The following FOXO3 variants were observed in gnomAD, a reference collection of about 807,000 sequenced individuals.
The protein encoded by FOXO3 is forkhead box O3.
A neutral mutation model predicts 41.9 loss-of-function variants in FOXO3; 4 were observed. The observed-to-expected ratio is 0.10, with a 90% CI of 0.05 to 0.22. The LOEUF is 0.22. Among genes scored for constraint, FOXO3 ranks in the 10% least tolerant of loss-of-function variants. FOXO3 has a pLI of 1.00. For synonymous variants in FOXO3, 318 were observed against 389.3 expected (o/e 0.82, Z 2.16); for missense variants, 534 against 906.8 (o/e 0.59, Z 5.28).
chr6:108,592,886 T>G (rs1030435666), intron 1 of FOXO3, among the ~76,000 whole-genome samples: 1 of 152,174 alleles, frequency 6.6e-6, no homozygotes, highest in African/African-American at 2.4e-5. Flanking sequence ...GGGAGGAGGA[T>G]GATTCTTAGT....
chr6:108,664,900 A>G lies in FOXO3; in HGVS notation c.*34+11A>G. On this transcript the variant is annotated intron_variant, in intron 2 of 2. Coordinates refer to ENST00000406360, the MANE Select transcript of FOXO3 (RefSeq NM_001455.4). The stretch of plus-strand genomic sequence containing the variant: ...AAGTGGGCAAAGCAGGTCAGTGCCG[A>G]ATGCTATGGCATAAAAATAACAATA... The G allele has an allele frequency of 6.3e-7, 1 of 1,587,434 alleles. No individual in the cohort carries two copies. Among genetic ancestry groups the G allele is most frequent in the Non-Finnish European group, 8.6e-7 (1 of 1,166,478 alleles).
At position 108,656,334 on chromosome 6, in the gene FOXO3, T is replaced by C. The variant is rs1778687592; in HGVS notation, c.622-7121T>C. ...GTGTTCCAGGGGAAGCACATGCAGC[T>C]GGTGTCTGGGTGAGTGGACAGTCTC... On this transcript the variant is annotated intron_variant, in intron 1 of 2. Transcript: ENST00000406360. 6.1e-6 allele frequency: 6 copies of C among 984,630 alleles called. No homozygotes were observed. The South Asian group carries it at 2.3e-4, about 39-fold the overall frequency. The allele number at this position is 984,630 out of a possible 1,614,324, so 61.0% of individuals were successfully genotyped here.
intron 1 of FOXO3, among the ~76,000 whole-genome samples, chr6:108,650,163 A>T (rs569733357): frequency 3.3e-5 from 5 of 152,204 alleles, no homozygotes; most frequent in Non-Finnish European, 1.5e-5. Context: ...GGAGGTAGTT[A>T]TAAGGTCAGG....
chr6:108,644,251 A>G (rs571351050), intron 1 of FOXO3, among the ~76,000 whole-genome samples: 1 of 152,306 alleles, frequency 6.6e-6, no homozygotes, highest in South Asian at 2.1e-4. Context: ...TAAAATGGGG[A>G]CCATATTGTC....
At chr6:108,585,098 A>G (rs1044509299) in intron 1 of FOXO3, among the ~76,000 whole-genome samples, 8 of 126,460 alleles carry the variant, frequency 6.3e-5, no homozygotes, top group African/African-American at 1.8e-4. Context: ...GCGGACTGCA[A>G]TGGCGCAATC....
At chr6:108,616,681 T>G (rs1318123636) in intron 1 of FOXO3, among the ~76,000 whole-genome samples, 4 of 152,170 alleles carry the variant, frequency 2.6e-5, no homozygotes, top group Non-Finnish European at 5.9e-5. Flanking sequence ...AAATTGATGG[T>G]TTTTAGTATA....
At position 108,680,088 on chromosome 6, in the gene FOXO3, C is replaced by G. The variant is rs1158842219; in HGVS notation, c.*296C>G. 7 of 152,672 alleles carry G rather than the reference C, an allele frequency of 4.6e-5. No homozygotes were observed. The highest frequency in any genetic ancestry group is 1.4e-4 in the African/African-American group (6 of 41,426). 9.5% of individuals were successfully genotyped at this position (152,672 alleles called of 1,614,324 possible). On this transcript the variant is annotated 3_prime_UTR_variant, in exon 3 of 3. Transcript: ENST00000406360. Reference sequence around the variant, plus strand: ...GACAGCACCCCTCAGCACCACCCACCCTCATTCAGAGCACACCGTGAGCCC... The same window carrying G: ...GACAGCACCCCTCAGCACCACCCACGCTCATTCAGAGCACACCGTGAGCCC...
intron 1 of FOXO3, among the ~76,000 whole-genome samples, chr6:108,628,417 T>G (rs1777873408): frequency 6.6e-6 from 1 of 152,214 alleles, no homozygotes; most frequent in African/African-American, 2.4e-5. Context: ...TTAACTGAGA[T>G]AAAGCATGAG....
At chr6:108,597,936 G>A (rs1393560803) in intron 1 of FOXO3, among the ~76,000 whole-genome samples, 1 of 152,112 alleles carries the variant, frequency 6.6e-6, no homozygotes, top group African/African-American at 2.4e-5. Context: ...TTTAAAATTA[G>A]CGATTCTTTT....
intron 1 of FOXO3, among the ~76,000 whole-genome samples, chr6:108,587,508 T>A (rs143957702): frequency 8.8e-4 from 134 of 152,126 alleles, no homozygotes; most frequent in African/African-American, 2.7e-3. Context: ...CATGCAAAAA[T>A]ATATATATGT....
intron 1 of FOXO3, among the ~76,000 whole-genome samples, chr6:108,624,940 T>G (rs979829878): frequency 1.3e-5 from 2 of 152,112 alleles, no homozygotes; most frequent in Admixed American, 6.6e-5. Flanking sequence ...CAGTGTTTTT[T>G]GTTTTGTTTT....
intron 1 of FOXO3, among the ~76,000 whole-genome samples, chr6:108,654,493 A>G (rs1778631931): frequency 6.6e-6 from 1 of 152,114 alleles, no homozygotes; most frequent in African/African-American, 2.4e-5. Flanking sequence ...AAAGCCTCAT[A>G]TGTCTCATTT....
chr6:108,639,411 C>T (rs1052684285), intron 1 of FOXO3: 6 of 273,924 alleles, frequency 2.2e-5, no homozygotes, highest in Non-Finnish European at 3.3e-5. Context: ...AAGTCAGAAG[C>T]TCAGTTTGTT....
chr6:108,652,164 C>G (rs1298858460), intron 1 of FOXO3, among the ~76,000 whole-genome samples: 2 of 152,172 alleles, frequency 1.3e-5, no homozygotes, highest in Non-Finnish European at 1.5e-5. Context: ...ACAGAAGCCT[C>G]CAGACGTGCC....
chr6:108,572,356 A>C (rs889023021), intron 1 of FOXO3, among the ~76,000 whole-genome samples: 1 of 152,184 alleles, frequency 6.6e-6, no homozygotes. Flanking sequence ...GGCTAATCCA[A>C]ATCTCTCTGG....
At chr6:108,606,347 C>T (rs1349775161) in intron 1 of FOXO3, among the ~76,000 whole-genome samples, 1 of 152,164 alleles carries the variant, frequency 6.6e-6, no homozygotes, top group Non-Finnish European at 1.5e-5. Flanking sequence ...TTCCCAAGGG[C>T]GGTTTGTTGG....
chr6:108,582,483 T>C (rs1360234878), intron 1 of FOXO3, among the ~76,000 whole-genome samples: 1 of 152,196 alleles, frequency 6.6e-6, no homozygotes, highest in Non-Finnish European at 1.5e-5. Context: ...AATAAAAATT[T>C]TGTGTTTCCT....
In FOXO3 at chr6:108,616,266, A is replaced by G. The variant is rs1777509503; in HGVS notation, c.622-47189A>G. 1.4e-5 allele frequency among the ~76,000 whole-genome samples: 2 copies of G among 142,080 alleles called. 1 individual carries two copies. Among genetic ancestry groups the G allele is most frequent in the Non-Finnish European group, 3.0e-5 (2 of 66,580 alleles). 93.2% of individuals were successfully genotyped at this position (142,080 alleles called of 152,430 possible). On this transcript the variant is annotated intron_variant, in intron 1 of 2. Transcript: ENST00000406360. ...TGCAAGCTCCGCCTCGTGGGTTCAC[A>G]CCATTCTCCTACCTCAGCCTCCCGA... is the stretch of plus-strand genomic sequence containing the variant.
Position 108,561,104 on chromosome 6 carries a change from G to A in FOXO3, c.-105G>A, listed in dbSNP as rs1207998740. On this transcript the variant is annotated 5_prime_UTR_variant, in exon 1 of 3. Coordinates refer to ENST00000406360, the MANE Select transcript of FOXO3 (RefSeq NM_001455.4). ...TCCCCAGGCGGCGGCGGCGGCGCCC[G>A]GGAGCCGGAGCCTTCGCGGCGTCCA... The A allele has an allele frequency of 2.8e-6, 4 of 1,427,116 alleles. No homozygotes were observed. The highest frequency in any genetic ancestry group is 3.6e-6 in the Non-Finnish European group (4 of 1,100,022). 88.4% of individuals were successfully genotyped at this position (1,427,116 alleles called of 1,614,324 possible). A position where few individuals can be genotyped will look rare whatever the true frequency, so the allele number is the denominator to read the frequency against.
Sources: gnomAD v4.1 joint callset for allele counts (sites outside exome capture counted in the v4.1 genomes callset) on GRCh38, gnomAD v4.1.1 for gene constraint, MANE v1.5 for transcripts, NCBI Gene and HGNC (gene_info 2026-07-23, HGNC 2026-07-21) for gene names.